Variants in CADPS observed in about 807,000 individuals in gnomAD.
CADPS encodes the protein calcium dependent secretion activator, also known as calcium-dependent secretion activator 1.
CADPS carries 57 observed loss-of-function variants against 167.3 expected under a neutral mutation model. The observed-to-expected ratio is 0.34, with a 90% CI of 0.28 to 0.42. The LOEUF (loss-of-function observed/expected upper bound fraction) is 0.42, where lower values mean the gene tolerates loss of function less well. Among genes scored for constraint, CADPS ranks in the 20% least tolerant of loss-of-function variants. The pLI, the probability that CADPS is intolerant of heterozygous loss-of-function variation, is 1.00. For synonymous variants in CADPS, 676 were observed against 635.3 expected (o/e 1.06, Z -0.96); for missense variants, 1,414 against 1,738.1 (o/e 0.81, Z 3.32).
rs868842577 is a variant in CADPS at position 62,627,232 on chromosome 3, C to G, written c.1325+18490G>C. Among the ~76,000 whole-genome samples, 92 of 151,974 alleles carry G rather than the reference C, an allele frequency of 6.1e-4. 2 individuals carry two copies. Among genetic ancestry groups the G allele is most frequent in the Middle Eastern group, 6.8e-3 (2 of 294 alleles). Reference sequence around the variant, plus strand: ...TCTGAGAAATTATGCAAACCTCCACCTAATCCAATTATTCAGTATAATTAA... The same window carrying G: ...TCTGAGAAATTATGCAAACCTCCACGTAATCCAATTATTCAGTATAATTAA... On this transcript the variant is annotated intron_variant, in intron 6 of 29. Transcript: ENST00000383710.
At chr3:62,594,413 G>A (rs1408507638) in intron 6 of CADPS, among the ~76,000 whole-genome samples, 3 of 152,020 alleles carry the variant, frequency 2.0e-5, no homozygotes, top group South Asian at 2.1e-4. Context: ...CGCCCGCCTC[G>A]GCCTCCCAAA....
At chr3:62,662,441 G>A (rs373622675) in intron 3 of CADPS, 47 bp from the exon 4 acceptor site, 21 of 1,522,114 alleles carry the variant, frequency 1.4e-5, no homozygotes, top group Non-Finnish European at 1.8e-5. Context: ...GGTCACAAGT[G>A]CCAATAAACT....
At chr3:62,866,386 T>C (rs1225555722) in intron 1 of CADPS, among the ~76,000 whole-genome samples, 1 of 152,104 alleles carries the variant, frequency 6.6e-6, no homozygotes, top group Non-Finnish European at 1.5e-5. Context: ...GTGTGAAGTC[T>C]CAACAGTAGA....
At chr3:62,743,435 C>T (rs1217014739) in intron 3 of CADPS, among the ~76,000 whole-genome samples, 2 of 152,082 alleles carry the variant, frequency 1.3e-5, no homozygotes, top group South Asian at 2.1e-4. Context: ...AAATATTTAC[C>T]AACTCCTAGT....
At chr3:62,550,785 C>T (rs891387344) in intron 10 of CADPS, 6 of 456,504 alleles carry the variant, frequency 1.3e-5, no homozygotes, top group Non-Finnish European at 2.6e-5. Flanking sequence ...TAACCAGTGA[C>T]CTCCACATTG....
At chr3:62,572,488 C>T (rs1301328090) in intron 8 of CADPS, among the ~76,000 whole-genome samples, 1 of 152,130 alleles carries the variant, frequency 6.6e-6, no homozygotes, top group Non-Finnish European at 1.5e-5. Context: ...CAAATCTTAT[C>T]ATGCCTTTTC....
At chr3:62,489,329 T>A (rs2063334673) in intron 21 of CADPS, among the ~76,000 whole-genome samples, 1 of 151,990 alleles carries the variant, frequency 6.6e-6, no homozygotes, top group Non-Finnish European at 1.5e-5. Flanking sequence ...CCCAGCTAAT[T>A]TTTTGTATTT....
rs143439979 is a variant in CADPS at position 62,552,878 on chromosome 3, G to A, written c.1754-2763C>T. ...TATTTTGCTTAATTTCATATGGAAA[G>A]TTTTAAAATACCTAATTTGAGTAGG... On this transcript the variant is annotated intron_variant, in intron 10 of 29. Coordinates refer to ENST00000383710, the MANE Select transcript of CADPS (RefSeq NM_003716.4). Among the ~76,000 whole-genome samples, 3 of 152,318 alleles carry A rather than the reference G, an allele frequency of 2.0e-5. No individual in the cohort carries two copies. In the East Asian group the frequency reaches 5.8e-4, roughly 29 times the overall value.
At chr3:62,432,171 TGA>T (rs1189372297) in intron 28 of CADPS, among the ~76,000 whole-genome samples, 2 of 152,136 alleles carry the variant, frequency 1.3e-5, no homozygotes, top group Non-Finnish European at 2.9e-5. Flanking sequence ...AGTAGTTCTA[TGA>T]GATGATAAGG....
At chr3:62,688,792 C>G (rs183790967) in intron 3 of CADPS, among the ~76,000 whole-genome samples, 1 of 152,156 alleles carries the variant, frequency 6.6e-6, no homozygotes, top group East Asian at 1.9e-4. Flanking sequence ...GCTCTCCCTT[C>G]TCACTAATAA....
At chr3:62,464,604 G>T (rs553385419) in intron 26 of CADPS, among the ~76,000 whole-genome samples, 1 of 152,238 alleles carries the variant, frequency 6.6e-6, no homozygotes, top group Admixed American at 6.5e-5. Flanking sequence ...AGAAAATAAG[G>T]CTGGTTTCTG....
At chr3:62,674,228 T>G (rs1580180259) in intron 3 of CADPS, among the ~76,000 whole-genome samples, 1 of 152,184 alleles carries the variant, frequency 6.6e-6, no homozygotes, top group South Asian at 2.1e-4. Flanking sequence ...CCATGTCAAT[T>G]AAAACTGAGG....
chr3:62,502,322 C>T (rs531786765), intron 17 of CADPS, among the ~76,000 whole-genome samples: 19 of 151,002 alleles, frequency 1.3e-4, no homozygotes, highest in Non-Finnish European at 2.8e-4. Flanking sequence ...TTTTTTTGGC[C>T]ACTTAACGCT....
At chr3:62,543,425 A>T (rs2076013738) in intron 11 of CADPS, among the ~76,000 whole-genome samples, 1 of 152,156 alleles carries the variant, frequency 6.6e-6, no homozygotes, top group African/African-American at 2.4e-5. Flanking sequence ...CATTCAGTTA[A>T]CTATTCATCC....
At chr3:62,565,499 G>A (rs1468414532) in intron 9 of CADPS, among the ~76,000 whole-genome samples, 1 of 152,124 alleles carries the variant, frequency 6.6e-6, no homozygotes, top group Admixed American at 6.5e-5. Flanking sequence ...CCTTTTATAA[G>A]TACGGAATAC....
At chr3:62,751,211 A>T (rs889612764) in intron 3 of CADPS, among the ~76,000 whole-genome samples, 2 of 152,190 alleles carry the variant, frequency 1.3e-5, no homozygotes, top group Non-Finnish European at 2.9e-5. Flanking sequence ...TTCTTTTAAA[A>T]TACTTTTGTT....
intron 1 of CADPS, among the ~76,000 whole-genome samples, chr3:62,772,946 G>A (rs2089294774): frequency 6.6e-6 from 1 of 152,042 alleles, no homozygotes; most frequent in Admixed American, 6.6e-5. Flanking sequence ...TGTCAGCATT[G>A]TATATTGCAA....
intron 1 of CADPS, among the ~76,000 whole-genome samples, chr3:62,862,302 C>T (rs1036917838): frequency 1.3e-5 from 2 of 151,080 alleles, no homozygotes; most frequent in African/African-American, 2.4e-5. Context: ...CTGCAACCTC[C>T]GCCTCCCGGG....
At chr3:62,622,637 G>A (rs2063368399) in intron 6 of CADPS, among the ~76,000 whole-genome samples, 2 of 152,012 alleles carry the variant, frequency 1.3e-5, no homozygotes. Context: ...ATTCTATGTT[G>A]TTTATCCCTG....
Sources: gnomAD v4.1 joint callset for allele counts (sites outside exome capture counted in the v4.1 genomes callset) on GRCh38, gnomAD v4.1.1 for gene constraint, MANE v1.5 for transcripts, NCBI Gene and HGNC (gene_info 2026-07-23, HGNC 2026-07-21) for gene names.